The following PRKN variants were observed in gnomAD, a reference collection of about 807,000 sequenced individuals.
The protein encoded by PRKN is E3 ubiquitin-protein ligase parkin.
Under a neutral mutation model 59.5 loss-of-function variants are expected in PRKN, and 56 were observed. That is an observed-to-expected ratio of 0.94 (90% CI 0.76 to 1.18). The LOEUF (loss-of-function observed/expected upper bound fraction) is 1.18, where lower values mean the gene tolerates loss of function less well. Ranked by LOEUF, PRKN falls within the 50% of genes most tolerant of loss-of-function variation. The probability of loss-of-function intolerance (pLI) is 0.00; values close to 1 mark genes in which losing one functional copy is unlikely to be tolerated. For synonymous variants in PRKN, 250 were observed against 222.1 expected (o/e 1.13, Z -1.12); for missense variants, 657 against 596.4 (o/e 1.10, Z -1.06).
intron 2 of PRKN, chr6:162,263,209 AGCTGGG>A: frequency 1.7e-5 from 4 of 236,810 alleles, no homozygotes; most frequent in Admixed American, 5.2e-5. Context: ...CCTCCCGAGT[AGCTGGG>A]ATTATAGGCG....
intron 4 of PRKN, among the ~76,000 whole-genome samples, chr6:162,113,404 T>C (rs1780526277): frequency 6.6e-6 from 1 of 152,186 alleles, no homozygotes; most frequent in East Asian, 1.9e-4. Context: ...CAGGATGCCA[T>C]TTATTAGAAC....
chr6:162,102,868 C>A (rs1219140619), intron 4 of PRKN, among the ~76,000 whole-genome samples: 1 of 151,570 alleles, frequency 6.6e-6, no homozygotes, highest in Admixed American at 6.6e-5. Context: ...ACGGTGAAAC[C>A]CCGTCTCTAC....
intron 6 of PRKN, among the ~76,000 whole-genome samples, chr6:161,872,998 G>C (rs1289605447): frequency 6.7e-6 from 1 of 148,424 alleles, no homozygotes; most frequent in East Asian, 2.0e-4. Context: ...ATGCGAGCTA[G>C]TGTGTGGCTG....
At chr6:162,206,351 C>G (rs1052967923) in intron 3 of PRKN, among the ~76,000 whole-genome samples, 4 of 152,142 alleles carry the variant, frequency 2.6e-5, no homozygotes, top group Non-Finnish European at 5.9e-5. Context: ...AGTGCAGTCT[C>G]ATCCTCTTCG....
At chr6:161,681,707 C>G (rs1237439772) in intron 7 of PRKN, among the ~76,000 whole-genome samples, 1 of 152,150 alleles carries the variant, frequency 6.6e-6, no homozygotes, top group Non-Finnish European at 1.5e-5. Flanking sequence ...ACTGGAGGAC[C>G]CTGTGTCAGA....
rs1781326751 is a variant in PRKN, at chr6:162,591,941, C to CAGTTAG, written c.7+135715_7+135720dup. Reference sequence around the variant, plus strand: ...GAAAAAGAAGAGATTCCAATAATAGCAGTTAGTATACAGCTTCACAGTTTA... The same window carrying CAGTTAG: ...GAAAAAGAAGAGATTCCAATAATAGCAGTTAGAGTTAGTATACAGCTTCACAGTTTA... On this transcript the variant is annotated intron_variant, in intron 1 of 11. Coordinates refer to ENST00000366898, the MANE Select transcript of PRKN (RefSeq NM_004562.3). Among the ~76,000 whole-genome samples the CAGTTAG allele has an allele frequency of 3.3e-5, 5 of 149,536 alleles. No individual in the cohort carries two copies. In the South Asian group the frequency reaches 1.1e-3, roughly 32 times the overall value.
chr6:161,448,105 A>G lies in PRKN; in HGVS notation c.1084-61228T>C, dbSNP rs1789575032. 6.6e-6 allele frequency among the ~76,000 whole-genome samples: 1 copy of G among 152,188 alleles called. No homozygotes were observed. The highest frequency in any genetic ancestry group is 2.1e-4 in the South Asian group (1 of 4,828). ...AGTGAAGTCAACAGTAGCCAATCAA[A>G]TCTTACATCTGTGTGTTAGCCGTTG... On this transcript the variant is annotated intron_variant, in intron 9 of 11. Coordinates refer to ENST00000366898, the MANE Select transcript of PRKN (RefSeq NM_004562.3). The surrounding 1 kb of genome is among the most constrained non-coding windows in gnomAD (Gnocchi z 5.1).
intron 4 of PRKN, among the ~76,000 whole-genome samples, chr6:162,198,188 T>A (rs1276155870): frequency 3.9e-5 from 6 of 152,008 alleles, no homozygotes; most frequent in Admixed American, 1.3e-4. Flanking sequence ...ATATCAAAGG[T>A]GGAGCATCTC....
At chr6:162,340,307 G>GT (rs1784117037) in intron 2 of PRKN, among the ~76,000 whole-genome samples, 1 of 152,130 alleles carries the variant, frequency 6.6e-6, no homozygotes, top group Non-Finnish European at 1.5e-5. Flanking sequence ...GCCTTGATAA[G>GT]TATTTATCCA....
chr6:162,701,559 T>A (rs547266707), intron 1 of PRKN, among the ~76,000 whole-genome samples: 1 of 152,068 alleles, frequency 6.6e-6, no homozygotes, highest in African/African-American at 2.4e-5. Context: ...TCATTTTAAA[T>A]GTGATTAAAA....
intron 7 of PRKN, among the ~76,000 whole-genome samples, chr6:161,624,315 T>C (rs1783010961): frequency 6.6e-6 from 1 of 152,228 alleles, no homozygotes; most frequent in Non-Finnish European, 1.5e-5. Flanking sequence ...AAAACTTTCC[T>C]GAAGACAGAA....
intron 6 of PRKN, among the ~76,000 whole-genome samples, chr6:161,916,899 C>T (rs371295705): frequency 5.9e-5 from 9 of 152,084 alleles, no homozygotes; most frequent in South Asian, 2.1e-4. Flanking sequence ...CCCGGGTTCA[C>T]GCCATTCTCC....
chr6:161,828,817 C>A (rs1792353614), intron 6 of PRKN, among the ~76,000 whole-genome samples: 1 of 151,982 alleles, frequency 6.6e-6, no homozygotes, highest in Non-Finnish European at 1.5e-5. Flanking sequence ...GTAGTCCCAG[C>A]TACTTGGGAC....
rs76146368 is a variant in PRKN, at chr6:161,515,773, C to G, written c.1083+33081G>C. 1.7e-3 allele frequency among the ~76,000 whole-genome samples: 257 copies of G among 152,270 alleles called. 9 individuals carry two copies. In the East Asian group the frequency reaches 0.045, roughly 27 times the overall value. On this transcript the variant is annotated intron_variant, in intron 9 of 11. Coordinates refer to ENST00000366898, the MANE Select transcript of PRKN (RefSeq NM_004562.3). ...GGTTAGCTTTCACCTCGACAGGTCT[C>G]AAGGTTCTTCTTATGGGATTTTAGT...
chr6:161,895,039 A>G (rs1777560228), intron 6 of PRKN, among the ~76,000 whole-genome samples: 1 of 152,202 alleles, frequency 6.6e-6, no homozygotes, highest in Admixed American at 6.5e-5. Flanking sequence ...ATTTGTTGCT[A>G]TTTTTAAAAC....
In PRKN at chr6:161,717,024, A is replaced by G. The variant is rs528545755; in HGVS notation, c.871+68748T>C. Among the ~76,000 whole-genome samples the G allele has an allele frequency of 2.2e-3, 337 of 150,246 alleles. 4 individuals carry two copies. The highest frequency in any genetic ancestry group is 8.3e-3 in the African/African-American group (327 of 39,580). On this transcript the variant is annotated intron_variant, in intron 7 of 11. Coordinates refer to ENST00000366898, the MANE Select transcript of PRKN (RefSeq NM_004562.3). ...TTGCTGTGTGCAGAGCATGTCATGT[A>G]GGCTGGGCTGGCCAACACCCAGCTG... is the stretch of plus-strand genomic sequence containing the variant.
chr6:162,161,392 C>T (rs1024561927), intron 4 of PRKN, among the ~76,000 whole-genome samples: 1 of 152,200 alleles, frequency 6.6e-6, no homozygotes, highest in Non-Finnish European at 1.5e-5. Context: ...TAGCAGCCCT[C>T]CCTTATCTGC....
chr6:161,908,448 A>G (rs893365749), intron 6 of PRKN, among the ~76,000 whole-genome samples: 1 of 152,212 alleles, frequency 6.6e-6, no homozygotes, highest in Non-Finnish European at 1.5e-5. Flanking sequence ...GGAATTTGAC[A>G]TATCGACTGT....
intron 1 of PRKN, among the ~76,000 whole-genome samples, chr6:162,618,267 C>G (rs1782512399): frequency 6.6e-6 from 1 of 152,080 alleles, no homozygotes; most frequent in Non-Finnish European, 1.5e-5. Context: ...TCAATCTTAT[C>G]AATGCATGGA....
Sources: allele counts gnomAD v4.1 joint callset (sites outside exome capture counted in the v4.1 genomes callset), GRCh38; gene constraint gnomAD v4.1.1; non-coding constraint Gnocchi (gnomAD v3.1); transcripts MANE v1.5; gene names NCBI Gene and HGNC (gene_info 2026-07-23, HGNC 2026-07-21).